Variants in MRC1 observed in about 807,000 individuals in gnomAD.
MRC1 encodes mannose receptor C-type 1, also known as macrophage mannose receptor 1.
A neutral mutation model predicts 102.9 loss-of-function variants in MRC1; 62 were observed. The ratio of observed to expected loss-of-function variants is 0.60; its 90% CI spans 0.49 to 0.74. The LOEUF is 0.74. Among genes scored for constraint, MRC1 ranks in the 30% least tolerant of loss-of-function variants. The pLI is 0.00. For missense variants in MRC1, 1,237 were observed against 862.8 expected, an observed-to-expected ratio of 1.43 and a Z score of -5.43; for synonymous variants, 457 against 298.4, an observed-to-expected ratio of 1.53 and a Z score of -5.48.
At chr10:17,855,969 G>C (rs1833084698) in intron 8 of MRC1, among the ~76,000 whole-genome samples, 1 of 151,956 alleles carries the variant, frequency 6.6e-6, no homozygotes, top group Admixed American at 6.6e-5. Flanking sequence ...AGGAGTTCAA[G>C]ACCAGCCTGG....
chr10:17,882,116 C>T (rs1833529070), intron 21 of MRC1, among the ~76,000 whole-genome samples: 1 of 152,048 alleles, frequency 6.6e-6, no homozygotes, highest in Admixed American at 6.6e-5. Context: ...GAGGCATCCA[C>T]TGAAATAGGT....
At chr10:17,815,873 C>T (rs1241070489) in intron 1 of MRC1, among the ~76,000 whole-genome samples, 2 of 151,198 alleles carry the variant, frequency 1.3e-5, no homozygotes, top group African/African-American at 4.9e-5. Flanking sequence ...GTCGCCCAGG[C>T]TACAGTGCAG....
At chr10:17,894,505 T>G (rs1833727701) in intron 23 of MRC1, among the ~76,000 whole-genome samples, 193 bp downstream of exon 23, 1 of 145,768 alleles carries the variant, frequency 6.9e-6, no homozygotes, top group Non-Finnish European at 1.5e-5. Flanking sequence ...GTTTAAGCAA[T>G]TCTCCTGCTT....
intron 7 of MRC1, among the ~76,000 whole-genome samples, chr10:17,851,760 G>A (rs1389355748): frequency 6.6e-6 from 1 of 152,220 alleles, no homozygotes; most frequent in Non-Finnish European, 1.5e-5. Context: ...TCAAGTGAAA[G>A]GAGAAGAGGA....
intron 22 of MRC1, among the ~76,000 whole-genome samples, chr10:17,892,687 G>T (rs1000927191): frequency 1.6e-4 from 24 of 152,070 alleles, no homozygotes; most frequent in African/African-American, 5.8e-4. Context: ...CTTTTTAGAA[G>T]AAAGTAGAAA....
In MRC1 at chr10:17,902,014, C is replaced by T. The variant is rs1833835846; in HGVS notation, c.3691C>T (p.Pro1231Ser). ...ACCCCCACAACTGCCTGGCAGATGCCCGGAGTCAGATCACACAGCATGGAT... is the reference window on the plus strand; with the variant it reads ...ACCCCCACAACTGCCTGGCAGATGCTCGGAGTCAGATCACACAGCATGGAT... Reference protein sequence around the residue: ...TEPPQLPGRCPESDHTAWIPF... With the variant: ...TEPPQLPGRCSESDHTAWIPF... Residue 1231 changes from proline (P) to serine (S), a missense_variant, in exon 26 of 30, where the codon CCG (proline) becomes TCG (serine). By Grantham distance (74) the Pro-to-Ser change is moderately conservative. Coordinates refer to ENST00000569591, the MANE Select transcript of MRC1 (RefSeq NM_002438.4). 1.3e-6 allele frequency: 1 copy of T among 780,628 alleles called. No homozygotes were observed. Among genetic ancestry groups the T allele is most frequent in the Non-Finnish European group, 2.4e-6 (1 of 417,950 alleles). 48.4% of individuals were successfully genotyped at this position (780,628 alleles called of 1,614,324 possible). A position where few individuals can be genotyped will look rare whatever the true frequency, so the allele number is the denominator to read the frequency against.
intron 29 of MRC1, 40 bp downstream of exon 29, chr10:17,909,387 A>C: frequency 1.2e-6 from 1 of 840,728 alleles, no homozygotes; most frequent in South Asian, 1.3e-5. Context: ...TGTTAGTAAT[A>C]CATCCGTACT....
intron 8 of MRC1, chr10:17,854,788 A>T (rs1833056085): frequency 5.4e-6 from 1 of 184,284 alleles, no homozygotes. Flanking sequence ...TCGAGAGTTC[A>T]AGCGATTCTC....
rs1838812252 is a variant in MRC1, at chr10:17,845,449, G to A, written c.1063+14G>A. 3.8e-6 allele frequency: 3 copies of A among 780,766 alleles called. No individual in the cohort carries two copies. The East Asian group carries it at 7.3e-5, about 19-fold the overall frequency. The allele number at this position is 780,766 out of a possible 1,614,324, so 48.4% of individuals were successfully genotyped here. A position where few individuals can be genotyped will look rare whatever the true frequency, so the allele number is the denominator to read the frequency against. On this transcript the variant is annotated intron_variant, in intron 6 of 29. Transcript: ENST00000569591. Reference sequence around the variant, plus strand: ...TTATTCCCTCAGGTAAGTGATCTATGGGATCTGAAGTGCCTCAACTATTAG... The same window carrying A: ...TTATTCCCTCAGGTAAGTGATCTATAGGATCTGAAGTGCCTCAACTATTAG...
chr10:17,852,309 C>A (rs1350906964), intron 7 of MRC1, among the ~76,000 whole-genome samples: 1 of 152,164 alleles, frequency 6.6e-6, no homozygotes, highest in Non-Finnish European at 1.5e-5. Context: ...CCTGGCATTT[C>A]ATGATGAAAA....
chr10:17,818,703 G>A (rs1170276353), intron 1 of MRC1, among the ~76,000 whole-genome samples: 3 of 152,216 alleles, frequency 2.0e-5, no homozygotes, highest in Non-Finnish European at 4.4e-5. Flanking sequence ...CAGAGCTGAG[G>A]CAGGAGAATG....
intron 1 of MRC1, among the ~76,000 whole-genome samples, chr10:17,816,677 C>A (rs957701575): frequency 4.6e-5 from 7 of 152,096 alleles, no homozygotes; most frequent in Non-Finnish European, 8.8e-5. Context: ...CAGCGAAGGC[C>A]GAGGAGAAAT....
intron 22 of MRC1, among the ~76,000 whole-genome samples, chr10:17,888,432 G>C (rs1833630107): frequency 6.6e-6 from 1 of 152,208 alleles, no homozygotes; most frequent in African/African-American, 2.4e-5. Context: ...ATGGGTTAAA[G>C]ATGTGCTGAC....
intron 5 of MRC1, among the ~76,000 whole-genome samples, chr10:17,843,634 A>T (rs1838782186): frequency 6.6e-6 from 1 of 152,150 alleles, no homozygotes; most frequent in Non-Finnish European, 1.5e-5. Context: ...ACTGGACTCT[A>T]GCCTGAGTGA....
rs892164617 is a variant in MRC1, at chr10:17,850,985, G to C, written c.1249+1221G>C. Among the ~76,000 whole-genome samples, 143 of 152,196 alleles carry C rather than the reference G, an allele frequency of 9.4e-4. 1 individual carries two copies. Among genetic ancestry groups the C allele is most frequent in the African/African-American group, 3.3e-3 (137 of 41,508 alleles). On this transcript the variant is annotated intron_variant, in intron 7 of 29. Coordinates refer to ENST00000569591, the MANE Select transcript of MRC1 (RefSeq NM_002438.4). ...GGTTATTCTGTGTCTACTTATCCTG[G>C]AAAATTCACAATAGAAGATAATAAT...
chr10:17,901,904 T>C, intron 25 of MRC1, 69 bp from the exon 26 acceptor site: 1 of 780,290 alleles, frequency 1.3e-6, no homozygotes, highest in South Asian at 1.3e-5. Flanking sequence ...TTGTAGCTGC[T>C]AATGTATGAT....
intron 17 of MRC1, among the ~76,000 whole-genome samples, chr10:17,876,832 T>C (rs1833443896): frequency 6.6e-6 from 1 of 152,172 alleles, no homozygotes; most frequent in Non-Finnish European, 1.5e-5. Flanking sequence ...TCACTGAAGG[T>C]ATAATTTATT....
At chr10:17,826,309 T>G (rs921713443) in intron 2 of MRC1, among the ~76,000 whole-genome samples, 175 of 152,290 alleles carry the variant, frequency 1.1e-3, no homozygotes, top group African/African-American at 4.0e-3. Flanking sequence ...TTCAAGCGAT[T>G]CTCCTGCCTC....
rs533841069 is a variant in MRC1 at position 17,823,408 on chromosome 10, A to G, written c.396A>G (p.Gly132=). Residue 132 remains glycine, a synonymous_variant, in exon 2 of 30, where the codon GGA becomes GGG. Coordinates refer to ENST00000569591, the MANE Select transcript of MRC1 (RefSeq NM_002438.4). ...RQEKNIMLYK[G]SGLWSRWKIY... ...AAAAGAATATTATGCTCTACAAGGG[A>G]TCGGGTTTATGGAGCAGGTGGAAGA... The G allele has an allele frequency of 6.0e-5, 47 of 780,840 alleles. 2 individuals carry two copies. The highest frequency in any genetic ancestry group is 4.6e-4 in the African/African-American group (27 of 59,258). 48.4% of individuals were successfully genotyped at this position (780,840 alleles called of 1,614,324 possible).
Sources: gnomAD v4.1 joint callset for allele counts (sites outside exome capture counted in the v4.1 genomes callset) on GRCh38, gnomAD v4.1.1 for gene constraint, MANE v1.5 for transcripts, NCBI Gene and HGNC (gene_info 2026-07-23, HGNC 2026-07-21) for gene names.